Variants in PTCHD4 observed in about 807,000 individuals in gnomAD.
PTCHD4 encodes the protein patched domain containing 4.
Under a neutral mutation model 58.1 loss-of-function variants are expected in PTCHD4, and 33 were observed. That is an observed-to-expected ratio of 0.57 (90% CI 0.43 to 0.76). PTCHD4 has a LOEUF of 0.76. PTCHD4 is among the 30% of genes least tolerant of loss of function. The pLI is 0.00. For missense variants in PTCHD4, 1,058 were observed against 1,027.1 expected (o/e 1.03, Z -0.41); for synonymous variants, 478 against 409.6 (o/e 1.17, Z -2.02).
Position 48,009,108 on chromosome 6 carries a change from TC to T in PTCHD4, c.423del (p.Arg142GlyfsTer12), listed in dbSNP as rs1317913108. ...AGTTGGTGTCCAATAAAACTGTTCCTCCCATCCTTGAAAACAGAAAAAGAAG... is the reference window on the plus strand; with the variant it reads ...AGTTGGTGTCCAATAAAACTGTTCCTCCATCCTTGAAAACAGAAAAAGAAG... ...THRAVLEMKD[G>X]RNSFIGHQLG... On this transcript the variant is annotated frameshift_variant, in exon 4 of 5. Transcript: ENST00000339488. LOFTEE classifies it high-confidence loss of function. 6.3e-7 allele frequency: 1 copy of T among 1,599,438 alleles called. No homozygotes were observed. The highest frequency in any genetic ancestry group is 2.2e-5 in the East Asian group (1 of 44,650).
chr6:47,924,842 G>A (rs532138622), intron 4 of PTCHD4, among the ~76,000 whole-genome samples: 2 of 151,808 alleles, frequency 1.3e-5, no homozygotes, highest in East Asian at 1.9e-4. Flanking sequence ...TTACTTCCTC[G>A]TAAACACCCT....
chr6:47,997,388 C>T (rs565521591), intron 4 of PTCHD4, among the ~76,000 whole-genome samples: 72 of 151,990 alleles, frequency 4.7e-4, no homozygotes, highest in Middle Eastern at 3.4e-3. Context: ...TTTATTATGT[C>T]ACCTCAAATA....
In PTCHD4 at chr6:47,879,647, G is replaced by A; in HGVS notation, c.1188C>T (p.Asn396=). The stretch of plus-strand genomic sequence containing the variant: ...TACAGCAAAAGATGCTGTGGTAGCG[G>A]TTTTGCTCTAGTTGGCCAGCAAAGA... ...CLVFAGQLEQ[N]RYHSIFCCKI... The change falls in exon 5 of 5, where the codon AAC becomes AAT. Residue 396 remains asparagine (N), a synonymous_variant. Coordinates refer to ENST00000339488, the MANE Select transcript of PTCHD4 (RefSeq NM_001384253.1). 6.2e-7 allele frequency: 1 copy of A among 1,613,648 alleles called. No individual in the cohort carries two copies.
At chr6:48,017,993 G>A (rs1219861591) in intron 3 of PTCHD4, among the ~76,000 whole-genome samples, 1 of 152,188 alleles carries the variant, frequency 6.6e-6, no homozygotes, top group Non-Finnish European at 1.5e-5. Flanking sequence ...TATAGGCATT[G>A]AGAAGATTGA....
intron 3 of PTCHD4, among the ~76,000 whole-genome samples, chr6:48,052,034 C>T (rs1421226214): frequency 2.0e-5 from 3 of 151,982 alleles, no homozygotes; most frequent in Non-Finnish European, 4.4e-5. Context: ...TCTCTATAAC[C>T]CCAGTGCCAA....
chr6:47,899,484 A>T (rs1200292124), intron 4 of PTCHD4: 1 of 584,440 alleles, frequency 1.7e-6, no homozygotes, highest in South Asian at 7.6e-5. Context: ...TTGAGTTTGA[A>T]TTCATTTTAT....
chr6:47,939,726 T>C (rs1471509618), intron 4 of PTCHD4, among the ~76,000 whole-genome samples: 5 of 152,090 alleles, frequency 3.3e-5, no homozygotes, highest in Non-Finnish European at 5.9e-5. Flanking sequence ...GGAGGATGTA[T>C]GAGTTAAAAA....
chr6:47,914,095 C>T (rs1765154784), intron 4 of PTCHD4, among the ~76,000 whole-genome samples: 1 of 152,080 alleles, frequency 6.6e-6, no homozygotes, highest in African/African-American at 2.4e-5. Flanking sequence ...AGTTAATTTA[C>T]AAAATACATT....
At position 48,062,625 on chromosome 6, in the gene PTCHD4, A is replaced by G. The variant is rs186201314; in HGVS notation, c.417+5605T>C. Among the ~76,000 whole-genome samples, 17 of 152,298 alleles carry G rather than the reference A, an allele frequency of 1.1e-4. No individual in the cohort carries two copies. The East Asian group carries it at 3.3e-3, about 29-fold the overall frequency. ...CCAGTGCCAAGCAATTCTTTAGCCC[A>G]CTTTGGGTGCTCAGAAAAATTCAAT... is the stretch of plus-strand genomic sequence containing the variant. On this transcript the variant is annotated intron_variant, in intron 3 of 4. Coordinates refer to ENST00000339488, the MANE Select transcript of PTCHD4 (RefSeq NM_001384253.1).
chr6:48,093,542 T>C (rs1250313666), intron 1 of PTCHD4, among the ~76,000 whole-genome samples: 1 of 152,046 alleles, frequency 6.6e-6, no homozygotes. Context: ...TAGATCAAAG[T>C]AGTATACCAT....
At chr6:48,107,808 C>G (rs1488952189) in intron 1 of PTCHD4, among the ~76,000 whole-genome samples, 4 of 152,210 alleles carry the variant, frequency 2.6e-5, no homozygotes, top group Non-Finnish European at 4.4e-5. Flanking sequence ...ACAGACACTT[C>G]TCAAAAGAAG....
intron 1 of PTCHD4, among the ~76,000 whole-genome samples, chr6:48,091,157 TAG>T (rs1250565094): frequency 6.6e-6 from 1 of 152,128 alleles, no homozygotes; most frequent in African/African-American, 2.4e-5. Context: ...CATTATATGT[TAG>T]TATGCATTAG....
chr6:47,879,146 A>G lies in PTCHD4; in HGVS notation c.1689T>C (p.Asn563=). ...GGACACTGATGAAGTCACTTTTGTT[A>G]TTGGCACTGACGTTGCTGACTTTCA... is the stretch of plus-strand genomic sequence containing the variant. ...QFLKVSNVSA[N]NKSDFISVLQ... is the part of the protein sequence containing the mutation. Residue 563 remains asparagine (N), a synonymous_variant, in exon 5 of 5, where the codon AAT becomes AAC. Transcript: ENST00000339488. The G allele has an allele frequency of 1.2e-6, 2 of 1,612,020 alleles. No individual in the cohort carries two copies. Among genetic ancestry groups the G allele is most frequent in the South Asian group, 1.1e-5 (1 of 91,070 alleles).
chr6:48,003,914 C>T lies in PTCHD4; in HGVS notation c.898+4720G>A, dbSNP rs192410720. The stretch of plus-strand genomic sequence containing the variant: ...CCAGAGCCACTCATCTCAGGTGCTT[C>T]GTTTAGCTCTCTGCTTCAATTTTAC... On this transcript the variant is annotated intron_variant, in intron 4 of 4. Transcript: ENST00000339488. 5.9e-5 allele frequency among the ~76,000 whole-genome samples: 9 copies of T among 152,292 alleles called. No homozygotes were observed. The East Asian group carries it at 1.2e-3, about 20-fold the overall frequency.
chr6:47,960,224 C>A lies in PTCHD4; in HGVS notation c.898+48410G>T, dbSNP rs77401838. Among the ~76,000 whole-genome samples the A allele has an allele frequency of 3.0e-3, 462 of 152,042 alleles. 3 individuals are homozygous for A. The highest frequency in any genetic ancestry group is 0.011 in the African/African-American group (436 of 41,502). On this transcript the variant is annotated intron_variant, in intron 4 of 4. Transcript: ENST00000339488. ...ATAAAACATAGTCAAAGAATCATAG[C>A]TAATAAGCTAACCGAGGAGATAAGA...
intron 4 of PTCHD4, among the ~76,000 whole-genome samples, chr6:47,992,448 T>A (rs1351811561): frequency 6.6e-6 from 1 of 152,218 alleles, no homozygotes; most frequent in Non-Finnish European, 1.5e-5. Context: ...TAAGAAAACG[T>A]GCTCAGGAGG....
At chr6:48,053,219 T>C (rs993128519) in intron 3 of PTCHD4, among the ~76,000 whole-genome samples, 1 of 152,098 alleles carries the variant, frequency 6.6e-6, no homozygotes, top group African/African-American at 2.4e-5. Flanking sequence ...ACATGCAATT[T>C]GGCCGGAGAA....
chr6:47,890,177 A>G (rs1764333172), intron 4 of PTCHD4, among the ~76,000 whole-genome samples: 1 of 151,678 alleles, frequency 6.6e-6, no homozygotes, highest in Non-Finnish European at 1.5e-5. Flanking sequence ...GTATATATGT[A>G]TATTTGTCAA....
intron 4 of PTCHD4, among the ~76,000 whole-genome samples, chr6:47,967,555 A>G (rs1196076880): frequency 6.6e-6 from 1 of 152,240 alleles, no homozygotes. Flanking sequence ...TGAAAGTCCT[A>G]GATGGTATCT....
Sources: gnomAD v4.1 joint callset for allele counts (sites outside exome capture counted in the v4.1 genomes callset) on GRCh38, gnomAD v4.1.1 for gene constraint, MANE v1.5 for transcripts, NCBI Gene and HGNC (gene_info 2026-07-23, HGNC 2026-07-21) for gene names.